The following DLG2 variants were observed in gnomAD, a reference collection of about 807,000 sequenced individuals.
The protein encoded by DLG2 is discs large MAGUK scaffold protein 2.
DLG2 carries 45 observed loss-of-function variants against 132.5 expected under a neutral mutation model. That is an observed-to-expected ratio of 0.34 (90% confidence interval 0.27 to 0.44). DLG2 has a LOEUF of 0.44. Among genes scored for constraint, DLG2 ranks in the 20% least tolerant of loss-of-function variants. The pLI is 1.00. For missense variants in DLG2, 1,045 were observed against 1,196.9 expected (o/e 0.87, Z 1.87); for synonymous variants, 424 against 419.6 (o/e 1.01, Z -0.13).
At chr11:85,058,319 C>A (rs4271408) in intron 6 of DLG2, among the ~76,000 whole-genome samples, 1 of 150,958 alleles carries the variant, frequency 6.6e-6, no homozygotes, top group African/African-American at 2.4e-5. Flanking sequence ...CACCTCTGAA[C>A]GAGTAAATGT....
intron 21 of DLG2, among the ~76,000 whole-genome samples, chr11:83,498,686 A>C (rs1213020234): frequency 1.3e-5 from 2 of 151,344 alleles, no homozygotes; most frequent in Non-Finnish European, 1.5e-5. Flanking sequence ...AAAAAAAAAA[A>C]CAATAATAAA....
Position 85,359,685 on chromosome 11 carries a change from G to T in DLG2, c.41-74320C>A, listed in dbSNP as rs573088770. On this transcript the variant is annotated intron_variant, in intron 3 of 27. Coordinates refer to ENST00000376104, the MANE Select transcript of DLG2 (RefSeq NM_001142699.3). ...TTAGAGAGCTGACAGTTCAGGCAAT[G>T]CTCTTTAATAAGAAACATGATATGA... Among the ~76,000 whole-genome samples, 6 of 152,270 alleles carry T rather than the reference G, an allele frequency of 3.9e-5. No homozygotes were observed. In the South Asian group the frequency reaches 1.2e-3, roughly 32 times the overall value.
chr11:83,846,454 C>G (rs988937595), intron 16 of DLG2, among the ~76,000 whole-genome samples: 3 of 152,140 alleles, frequency 2.0e-5, no homozygotes, highest in Non-Finnish European at 2.9e-5. Context: ...TTACATTGTT[C>G]TGTTTCTACA....
At chr11:84,022,425 G>T (rs975319196) in intron 11 of DLG2, among the ~76,000 whole-genome samples, 5 of 152,290 alleles carry the variant, frequency 3.3e-5, no homozygotes, top group Admixed American at 1.3e-4. Flanking sequence ...TGTGCTGGGT[G>T]AGCAGAAACA....
At chr11:85,533,031 G>GTTT (rs1232555460) in intron 3 of DLG2, among the ~76,000 whole-genome samples, 22 of 152,150 alleles carry the variant, frequency 1.4e-4, no homozygotes, top group African/African-American at 4.6e-4. Context: ...TGTTGTTGTT[G>GTTT]TTGTTGTTTT....
At chr11:83,868,132 C>T (rs2062746328) in intron 16 of DLG2, among the ~76,000 whole-genome samples, 1 of 152,112 alleles carries the variant, frequency 6.6e-6, no homozygotes. Context: ...CTGACAGATT[C>T]CTAATGAATC....
intron 6 of DLG2, among the ~76,000 whole-genome samples, chr11:84,607,624 A>G (rs1254642410): frequency 6.6e-6 from 1 of 152,118 alleles, no homozygotes; most frequent in African/African-American, 2.4e-5. Context: ...TTTAATGAAT[A>G]TAATTCCTAC....
chr11:83,674,999 T>C (rs954362345), intron 18 of DLG2, among the ~76,000 whole-genome samples: 1 of 152,244 alleles, frequency 6.6e-6, no homozygotes, highest in African/African-American at 2.4e-5. Context: ...TTGTGAACTG[T>C]ATGATCACGC....
chr11:84,925,786 T>C (rs2092955650), intron 6 of DLG2, among the ~76,000 whole-genome samples: 1 of 152,124 alleles, frequency 6.6e-6, no homozygotes, highest in Non-Finnish European at 1.5e-5. Flanking sequence ...ATGTATCTCA[T>C]AGTGTCCAAT....
intron 6 of DLG2, among the ~76,000 whole-genome samples, chr11:84,809,635 A>C (rs2076353319): frequency 6.6e-6 from 1 of 151,982 alleles, no homozygotes. Flanking sequence ...ATCAATCAAC[A>C]TGTGGACACC....
At chr11:84,812,130 C>G (rs2076624742) in intron 6 of DLG2, among the ~76,000 whole-genome samples, 1 of 152,128 alleles carries the variant, frequency 6.6e-6, no homozygotes, top group African/African-American at 2.4e-5. Context: ...AAATATGATC[C>G]AGCATTATCC....
In DLG2 at chr11:84,911,125, G is replaced by A. The variant is rs1423493866; in HGVS notation, c.357+200536C>T. 2.0e-5 allele frequency among the ~76,000 whole-genome samples: 3 copies of A among 152,004 alleles called. No individual in the cohort carries two copies. In the East Asian group the frequency reaches 5.8e-4, roughly 29 times the overall value. Reference sequence around the variant, plus strand: ...TAGAATTCACAAAGTAATCCCACATGTTATATTGTTTATGCTTCATAACAA... The same window carrying A: ...TAGAATTCACAAAGTAATCCCACATATTATATTGTTTATGCTTCATAACAA... On this transcript the variant is annotated intron_variant, in intron 6 of 27. Transcript: ENST00000376104.
At chr11:83,494,484 T>C (rs1028211965) in intron 21 of DLG2, among the ~76,000 whole-genome samples, 2 of 151,690 alleles carry the variant, frequency 1.3e-5, no homozygotes, top group African/African-American at 2.4e-5. Context: ...AGTGACTGAC[T>C]CTACGTCCCA....
At chr11:85,060,082 A>C (rs2154158727) in intron 6 of DLG2, among the ~76,000 whole-genome samples, 1 of 151,550 alleles carries the variant, frequency 6.6e-6, no homozygotes, top group Admixed American at 6.6e-5. Context: ...ACATCCATTA[A>C]AGAAAAACTC....
chr11:85,571,796 T>G (rs991888485), intron 3 of DLG2, among the ~76,000 whole-genome samples: 1 of 152,248 alleles, frequency 6.6e-6, no homozygotes, highest in Non-Finnish European at 1.5e-5. Context: ...TATTTGCTTA[T>G]AAATGCTTTT....
rs1327120700 is a variant in DLG2 at position 84,777,326 on chromosome 11, C to CAT, written c.358-242596_358-242595insAT. 2.1e-3 allele frequency among the ~76,000 whole-genome samples: 143 copies of CAT among 67,704 alleles called. 1 individual carries two copies. The highest frequency in any genetic ancestry group is 3.6e-3 in the Non-Finnish European group (123 of 34,236). The allele number at this position is 67,704 out of a possible 152,430, so 44.4% of individuals were successfully genotyped here. On this transcript the variant is annotated intron_variant, in intron 6 of 27. Transcript: ENST00000376104. The stretch of plus-strand genomic sequence containing the variant: ...ATATATATATATATATATATATATA[C>CAT]GTTTTCTTTACCCAGTCATCCACTG...
intron 6 of DLG2, among the ~76,000 whole-genome samples, chr11:84,846,433 C>T (rs563778282): frequency 3.9e-5 from 6 of 152,236 alleles, no homozygotes; most frequent in Middle Eastern, 3.4e-3. Context: ...ACCAATACAT[C>T]AACAGGTCCT....
chr11:84,951,071 T>C (rs2050849823), intron 6 of DLG2, among the ~76,000 whole-genome samples: 2 of 152,218 alleles, frequency 1.3e-5, no homozygotes, highest in African/African-American at 4.8e-5. Context: ...TGAATATGGC[T>C]TTCTGTTCAG....
intron 6 of DLG2, among the ~76,000 whole-genome samples, chr11:85,035,834 A>T (rs901149449): frequency 6.6e-6 from 1 of 152,196 alleles, no homozygotes; most frequent in African/African-American, 2.4e-5. Flanking sequence ...AAACATGCTT[A>T]TCTTGAGTTA....
Sources: gnomAD v4.1 joint callset for allele counts (sites outside exome capture counted in the v4.1 genomes callset) on GRCh38, gnomAD v4.1.1 for gene constraint, MANE v1.5 for transcripts, NCBI Gene and HGNC (gene_info 2026-07-23, HGNC 2026-07-21) for gene names.